Variants in IL9R observed in about 807,000 individuals in gnomAD.
The protein encoded by IL9R is interleukin 9 receptor.
IL9R carries 54 observed loss-of-function variants against 56.3 expected under a neutral mutation model. The ratio of observed to expected loss-of-function variants is 0.96; its 90% confidence interval spans 0.77 to 1.20. The LOEUF is 1.20. IL9R is among the 50% of genes most tolerant of loss of function. IL9R has a pLI of 0.00. For synonymous variants in IL9R, 212 were observed against 250.2 expected, an observed-to-expected ratio of 0.85 and a Z score of 1.44; for missense variants, 545 against 629.8, an observed-to-expected ratio of 0.87 and a Z score of 1.44.
At chrX:155,997,876 C>G in intron 1 of IL9R, 89 bp downstream of exon 1, 1 of 1,252,040 alleles carries the variant, frequency 8.0e-7, no homozygotes, top group Non-Finnish European at 1.2e-6. Flanking sequence ...AACTCGGGGC[C>G]CAGGGAGCCA....
chrX:156,005,978 C>T (rs952740113), intron 6 of IL9R, 105 bp from the exon 7 acceptor site: 114 of 693,876 alleles, frequency 1.6e-4, no homozygotes, highest in Non-Finnish European at 2.5e-4. Flanking sequence ...CACAAACCTT[C>T]CACTTTGGCC....
intron 1 of IL9R, among the ~76,000 whole-genome samples, chrX:156,000,145 A>ATATATATATATATATAT (rs1556394100): frequency 1.4e-5 from 2 of 144,254 alleles, no homozygotes; most frequent in African/African-American, 5.3e-5. Context: ...AAAAAAAAAA[A>ATATATATATATATATAT]ATATATATAT....
intron 1 of IL9R, 24 bp from the exon 2 acceptor site, chrX:156,002,882 G>T: frequency 6.2e-7 from 1 of 1,613,494 alleles, no homozygotes; most frequent in Non-Finnish European, 8.5e-7. Flanking sequence ...ATTTGCACAG[G>T]GCCCTCAGCC....
chrX:156,005,233 C>A (rs1251596943), intron 5 of IL9R, 45 bp from the exon 6 acceptor site: 8 of 1,553,806 alleles, frequency 5.1e-6, no homozygotes, highest in East Asian at 2.2e-5. Flanking sequence ...GGCTGAGGGA[C>A]CCAGCCCCAC....
In IL9R at chrX:156,003,464, C is replaced by T; in HGVS notation, c.158C>T (p.Thr53Ile). The change falls in exon 3 of 9, where the codon ACC becomes ATC. Residue 53 changes from threonine (T) to isoleucine (I), a missense_variant. Physicochemically the swap from Thr to Ile is moderately conservative, Grantham distance 89. Coordinates refer to ENST00000244174, the MANE Select transcript of IL9R (RefSeq NM_002186.3). Reference sequence around the variant, plus strand: ...CTGTCTCCAGGGCCAAGGTCTAGAACCTTCACCTGCCTCACCAACAACATT... The same window carrying T: ...CTGTCTCCAGGGCCAAGGTCTAGAATCTTCACCTGCCTCACCAACAACATT... ...TGEGQGPRSR[T>I]FTCLTNNILR... 6.2e-7 allele frequency: 1 copy of T among 1,611,666 alleles called. No homozygotes were observed. Among genetic ancestry groups the T allele is most frequent in the Non-Finnish European group, 8.5e-7 (1 of 1,179,532 alleles).
rs749558673 is a variant in IL9R, at chrX:156,003,546, G to C, written c.240G>C (p.Trp80Cys). 3.7e-6 allele frequency: 6 copies of C among 1,612,876 alleles called. No homozygotes were observed. The highest frequency in any genetic ancestry group is 8.5e-7 in the Non-Finnish European group (1 of 1,179,390). ...APELGQGSSP[W>C]LLFTSNQAPG... The stretch of plus-strand genomic sequence containing the variant: ...AGCTGGGACAGGGCTCCAGCCCCTG[G>C]CTCCTCTTCACCAGGTGAGCATGGA... Residue 80 changes from tryptophan to cysteine, a missense_variant, in exon 3 of 9, where the codon TGG becomes TGC. Trp to Cys is a radical substitution (Grantham distance 215). Coordinates refer to ENST00000244174, the MANE Select transcript of IL9R (RefSeq NM_002186.3).
At chrX:156,011,456 C>T (rs1394265717), downstream of IL9R, among the ~76,000 whole-genome samples, 10 of 102,068 alleles carry the variant, frequency 9.8e-5, 5 homozygotes, top group African/African-American at 4.8e-4. Flanking sequence ...AGAAGAGAGA[C>T]GGTGCAGGAG....
chrX:156,004,230 A>C, intron 4 of IL9R, 190 bp from the exon 5 acceptor site: 1 of 617,248 alleles, frequency 1.6e-6, no homozygotes, highest in Non-Finnish European at 2.9e-6. Flanking sequence ...CTAGGTGCAG[A>C]GGCCAGAGGA....
In IL9R at chrX:156,004,360, TCTGA is replaced by T. The variant is rs1360632225; in HGVS notation, c.434-54_434-51del. ...TCTTTCAGACCCCAGTCTTGTGTGT[TCTGA>T]CTGACACACCCAGACCCATGGGGCT... On this transcript the variant is annotated intron_variant, in intron 4 of 8. Transcript: ENST00000244174. 20 of 1,584,864 alleles carry T rather than the reference TCTGA, an allele frequency of 1.3e-5. 1 individual carries two copies. In the Admixed American group the frequency reaches 2.2e-4, roughly 17 times the overall value.
chrX:155,999,872 TC>T (rs1451678027), intron 1 of IL9R, among the ~76,000 whole-genome samples: 1 of 152,080 alleles, frequency 6.6e-6, no homozygotes, highest in African/African-American at 2.4e-5. Context: ...ATGCCTGACA[TC>T]CCAGCACTTT....
At chrX:156,002,441 G>T (rs1363993708) in intron 1 of IL9R, among the ~76,000 whole-genome samples, 1 of 152,222 alleles carries the variant, frequency 6.6e-6, no homozygotes, top group Non-Finnish European at 1.5e-5. Context: ...AACGGGGACA[G>T]TGCTTCTCCC....
chrX:155,998,560 G>A (rs1242725341), intron 1 of IL9R, among the ~76,000 whole-genome samples: 3 of 152,014 alleles, frequency 2.0e-5, no homozygotes, highest in Non-Finnish European at 4.4e-5. Context: ...GGCAGGGCAG[G>A]CGTTTTAATT....
chrX:156,005,981 C>G, intron 6 of IL9R, 102 bp from the exon 7 acceptor site: 1 of 696,160 alleles, frequency 1.4e-6, no homozygotes, highest in Non-Finnish European at 2.5e-6. Flanking sequence ...AAACCTTCCA[C>G]TTTGGCCCAG....
At chrX:156,008,988 A>ATGTGTGTGTGTCTGTGTGTGTTTAT (rs2068211985) in intron 8 of IL9R, among the ~76,000 whole-genome samples, 1 of 142,524 alleles carries the variant, frequency 7.0e-6, no homozygotes, top group Non-Finnish European at 1.6e-5. Context: ...TGTGTGTTTA[A>ATGTGTGTGTGTCTGTGTGTGTTTAT]GTCTGTGTGT....
chrX:156,002,110 G>A (rs1483616892), intron 1 of IL9R, among the ~76,000 whole-genome samples: 1 of 152,064 alleles, frequency 6.6e-6, no homozygotes, highest in African/African-American at 2.4e-5. Flanking sequence ...GGGAGGCCAA[G>A]GCAGGTGGAT....
intron 8 of IL9R, among the ~76,000 whole-genome samples, chrX:156,009,013 GTC>G (rs1176256063): frequency 1.6e-4 from 23 of 143,258 alleles, no homozygotes; most frequent in South Asian, 1.3e-3. Context: ...GTGTGTGTGT[GTC>G]TCTGTGTGTG....
chrX:156,008,820 G>A (rs762449577), intron 8 of IL9R, among the ~76,000 whole-genome samples: 2 of 152,214 alleles, frequency 1.3e-5, no homozygotes, highest in African/African-American at 2.4e-5. Context: ...GCTGGCCATA[G>A]CCGAGTGCTT....
chrX:156,000,192 G>A (rs1417122325), intron 1 of IL9R, among the ~76,000 whole-genome samples: 1 of 151,570 alleles, frequency 6.6e-6, no homozygotes, highest in Non-Finnish European at 1.5e-5. Context: ...TAGTCTCTGT[G>A]TAACAGTAAG....
intron 8 of IL9R, 47 bp downstream of exon 8, chrX:156,007,654 G>C: frequency 2.5e-6 from 2 of 804,864 alleles, no homozygotes; most frequent in South Asian, 1.6e-5. Context: ...GGGTTGCCCA[G>C]AGCTCTGGCC....
Sources: gnomAD v4.1 joint callset for allele counts (sites outside exome capture counted in the v4.1 genomes callset) on GRCh38, gnomAD v4.1.1 for gene constraint, MANE v1.5 for transcripts, NCBI Gene and HGNC (gene_info 2026-07-23, HGNC 2026-07-21) for gene names.